Variants in BRINP3 observed in about 807,000 individuals in gnomAD.
BRINP3 encodes BMP/retinoic acid-inducible neural-specific protein 3.
In BRINP3, 19 loss-of-function variants were observed where a neutral mutation model predicts 71.0. That is an observed-to-expected ratio of 0.27 (90% CI 0.19 to 0.39). BRINP3 has a LOEUF of 0.39. Ranked by LOEUF, BRINP3 falls within the 10% of genes least tolerant of loss-of-function variation. The pLI, the probability that BRINP3 is intolerant of heterozygous loss-of-function variation, is 1.00. For missense variants in BRINP3, 959 were observed against 940.8 expected, an observed-to-expected ratio of 1.02 and a Z score of -0.25; for synonymous variants, 380 against 337.7, an observed-to-expected ratio of 1.13 and a Z score of -1.37.
intron 4 of BRINP3, among the ~76,000 whole-genome samples, chr1:190,262,995 T>C (rs1855241): frequency 0.59 from 89,039 of 151,796 alleles, 26,340 homozygotes; most frequent in Admixed American, 0.69. Context: ...TATGTTTTGA[T>C]GTGAAATGTG....
At chr1:190,177,002 C>A (rs1332406457) in intron 6 of BRINP3, among the ~76,000 whole-genome samples, 3 of 152,062 alleles carry the variant, frequency 2.0e-5, no homozygotes, top group Non-Finnish European at 2.9e-5. Context: ...TTGCATGGGG[C>A]AAATGGCCTC....
chr1:190,151,263 A>G (rs1656370825), intron 7 of BRINP3, among the ~76,000 whole-genome samples: 1 of 152,218 alleles, frequency 6.6e-6, no homozygotes, highest in Non-Finnish European at 1.5e-5. Flanking sequence ...AATATAGATG[A>G]GACCTATTAG....
At chr1:190,330,127 T>G (rs1666868993) in intron 2 of BRINP3, among the ~76,000 whole-genome samples, 1 of 151,870 alleles carries the variant, frequency 6.6e-6, no homozygotes, top group Non-Finnish European at 1.5e-5. Context: ...AAATAAAAAC[T>G]GGCAAGTAGG....
Position 190,329,472 on chromosome 1 carries a change from T to C in BRINP3, c.237-47722A>G, listed in dbSNP as rs576735036. 1.3e-4 allele frequency among the ~76,000 whole-genome samples: 19 copies of C among 151,714 alleles called. No homozygotes were observed. The South Asian group carries it at 4.0e-3, about 32-fold the overall frequency. Reference sequence around the variant, plus strand: ...AAAAAAAAATACCTAGAAATATGTCTAACAAAAGAGGTGAAAGACCTCTAC... The same window carrying C: ...AAAAAAAAATACCTAGAAATATGTCCAACAAAAGAGGTGAAAGACCTCTAC... On this transcript the variant is annotated intron_variant, in intron 2 of 7. Coordinates refer to ENST00000367462, the MANE Select transcript of BRINP3 (RefSeq NM_199051.3).
intron 1 of BRINP3, among the ~76,000 whole-genome samples, chr1:190,467,338 T>C (rs538947396): frequency 4.6e-4 from 69 of 151,618 alleles, no homozygotes; most frequent in African/African-American, 1.6e-3. Context: ...TGCACATAAT[T>C]CATCATACAT....
intron 3 of BRINP3, among the ~76,000 whole-genome samples, chr1:190,269,637 A>G (rs1661939027): frequency 6.7e-6 from 1 of 150,050 alleles, no homozygotes; most frequent in Admixed American, 6.7e-5. Context: ...ACTAGCCCAC[A>G]TAGATTTGAA....
At chr1:190,213,740 T>G (rs1159570934) in intron 6 of BRINP3, among the ~76,000 whole-genome samples, 1 of 151,744 alleles carries the variant, frequency 6.6e-6, no homozygotes, top group African/African-American at 2.4e-5. Context: ...AAAACTCTAA[T>G]AAAATTGCAC....
intron 2 of BRINP3, among the ~76,000 whole-genome samples, chr1:190,437,375 A>G (rs988537028): frequency 4.6e-5 from 7 of 151,762 alleles, no homozygotes; most frequent in African/African-American, 1.7e-4. Context: ...CATTCCAGGA[A>G]ATTCTTGCCT....
chr1:190,183,222 T>TG (rs1419176861), intron 6 of BRINP3, among the ~76,000 whole-genome samples: 2 of 152,124 alleles, frequency 1.3e-5, no homozygotes, highest in African/African-American at 4.8e-5. Context: ...ACCTTCTCAT[T>TG]GGCATCTTTT....
At chr1:190,468,686 C>A (rs1167198799) in intron 1 of BRINP3, among the ~76,000 whole-genome samples, 1 of 151,016 alleles carries the variant, frequency 6.6e-6, no homozygotes, top group Non-Finnish European at 1.5e-5. Context: ...TATAAAAGTT[C>A]TCAAACAAGG....
At chr1:190,197,666 G>A (rs1026984494) in intron 6 of BRINP3, among the ~76,000 whole-genome samples, 2 of 152,198 alleles carry the variant, frequency 1.3e-5, no homozygotes, top group Non-Finnish European at 2.9e-5. Context: ...ACTTATGCAA[G>A]AGGTGGGCTC....
chr1:190,338,756 A>G (rs1667456073), intron 2 of BRINP3, among the ~76,000 whole-genome samples: 1 of 151,924 alleles, frequency 6.6e-6, no homozygotes, highest in African/African-American at 2.4e-5. Context: ...AAATAATGAC[A>G]GTTGATCACA....
intron 2 of BRINP3, among the ~76,000 whole-genome samples, chr1:190,436,211 G>A (rs985643696): frequency 5.3e-5 from 8 of 151,828 alleles, no homozygotes; most frequent in Admixed American, 1.3e-4. Context: ...GCTTAAATAT[G>A]AGGACATCAT....
chr1:190,171,190 T>A (rs1236660791), intron 6 of BRINP3, among the ~76,000 whole-genome samples: 1 of 152,220 alleles, frequency 6.6e-6, no homozygotes, highest in African/African-American at 2.4e-5. Flanking sequence ...CACCCATAGT[T>A]CCCTGTTTCT....
chr1:190,149,692 A>G (rs568612264), intron 7 of BRINP3, among the ~76,000 whole-genome samples: 6 of 151,434 alleles, frequency 4.0e-5, no homozygotes, highest in Non-Finnish European at 5.9e-5. Flanking sequence ...ATTTCCTTAT[A>G]TTATTACTAA....
At chr1:190,456,544 C>T (rs1676004636) in intron 1 of BRINP3, among the ~76,000 whole-genome samples, 3 of 151,902 alleles carry the variant, frequency 2.0e-5, no homozygotes, top group African/African-American at 4.8e-5. Flanking sequence ...CAACTCCTAA[C>T]TTTCAAATTT....
At chr1:190,270,333 T>A (rs894595336) in intron 3 of BRINP3, among the ~76,000 whole-genome samples, 1 of 151,180 alleles carries the variant, frequency 6.6e-6, no homozygotes, top group Non-Finnish European at 1.5e-5. Context: ...TTTAAAATTA[T>A]TTATTATTTA....
At chr1:190,213,141 T>G (rs1018414586) in intron 6 of BRINP3, among the ~76,000 whole-genome samples, 1 of 151,978 alleles carries the variant, frequency 6.6e-6, no homozygotes, top group Non-Finnish European at 1.5e-5. Context: ...TAGGAAATAA[T>G]ACTGTATACC....
intron 1 of BRINP3, among the ~76,000 whole-genome samples, chr1:190,461,252 A>G (rs1676379071): frequency 6.6e-6 from 1 of 152,180 alleles, no homozygotes; most frequent in South Asian, 2.1e-4. Context: ...AGCCATGACC[A>G]TAGACCTCAT....
Sources: allele counts gnomAD v4.1 joint callset (sites outside exome capture counted in the v4.1 genomes callset), GRCh38; gene constraint gnomAD v4.1.1; transcripts MANE v1.5; gene names NCBI Gene and HGNC (gene_info 2026-07-23, HGNC 2026-07-21).